The following FRMD4B variants were observed in gnomAD, a reference collection of about 807,000 sequenced individuals.
The protein encoded by FRMD4B is FERM domain-containing protein 4B.
A neutral mutation model predicts 141.5 loss-of-function variants in FRMD4B; 74 were observed. The ratio of observed to expected loss-of-function variants is 0.52; its 90% CI spans 0.43 to 0.63. The LOEUF (loss-of-function observed/expected upper bound fraction) is 0.63, where lower values mean the gene tolerates loss of function less well. Ranked by LOEUF, FRMD4B falls within the 30% of genes least tolerant of loss-of-function variation. The pLI, the probability that FRMD4B is intolerant of heterozygous loss-of-function variation, is 0.00. For missense variants in FRMD4B, 1,366 were observed against 1,253.4 expected, an observed-to-expected ratio of 1.09 and a Z score of -1.36; for synonymous variants, 506 against 467.9, an observed-to-expected ratio of 1.08 and a Z score of -1.05.
At chr3:69,193,345 C>A (rs567765047) in intron 17 of FRMD4B, among the ~76,000 whole-genome samples, 9 of 152,132 alleles carry the variant, frequency 5.9e-5, no homozygotes, top group African/African-American at 1.2e-4. Flanking sequence ...CCTATCTCTA[C>A]CAAAAATACA....
At chr3:69,232,984 T>C (rs1391065352) in intron 7 of FRMD4B, among the ~76,000 whole-genome samples, 2 of 148,210 alleles carry the variant, frequency 1.3e-5, no homozygotes, top group African/African-American at 5.0e-5. Context: ...ACCCTTGGGC[T>C]CAAGTGATCC....
chr3:69,210,210 T>C (rs1010532849), intron 11 of FRMD4B, among the ~76,000 whole-genome samples: 4 of 152,236 alleles, frequency 2.6e-5, no homozygotes, highest in Non-Finnish European at 5.9e-5. Flanking sequence ...TGTCCCACTA[T>C]GGACACCTCG....
chr3:69,350,840 G>T (rs1034022172), intron 1 of FRMD4B, among the ~76,000 whole-genome samples: 2 of 134,088 alleles, frequency 1.5e-5, no homozygotes, highest in African/African-American at 5.5e-5. Flanking sequence ...GTGGGGAGGG[G>T]GGAGGGGGGA....
chr3:69,385,843 C>T lies in FRMD4B; in HGVS notation c.147G>A (p.Leu49=), dbSNP rs774432107. 1 of 1,589,162 alleles carries T rather than the reference C, an allele frequency of 6.3e-7. No homozygotes were observed. The highest frequency in any genetic ancestry group is 1.2e-5 in the South Asian group (1 of 86,278). The change falls in exon 1 of 23, where the codon CTG becomes CTA. Residue 49 remains leucine, a synonymous_variant. Coordinates refer to ENST00000398540, the MANE Select transcript of FRMD4B (RefSeq NM_015123.3). ...CHQVLRTWCG[L]QDVYQMTEGR... is the part of the protein sequence containing the mutation. ...TCCAGCTCACCTGGTACACGTCCTG[C>T]AGCCCGCACCACGTCCGCAGCACCT...
At chr3:69,458,777 T>C (rs141287268) in intron 1 of FRMD4B, among the ~76,000 whole-genome samples, 228 of 151,026 alleles carry the variant, frequency 1.5e-3, no homozygotes, top group African/African-American at 5.4e-3. Flanking sequence ...TCTACTCTTA[T>C]TACCTGGGTA....
At chr3:69,239,644 T>C (rs1033340130) in intron 7 of FRMD4B, among the ~76,000 whole-genome samples, 4 of 152,162 alleles carry the variant, frequency 2.6e-5, no homozygotes, top group Non-Finnish European at 4.4e-5. Context: ...GTTAAATTCA[T>C]AGAGACAGAA....
chr3:69,286,118 C>T (rs1365295325), intron 5 of FRMD4B, among the ~76,000 whole-genome samples: 1 of 152,110 alleles, frequency 6.6e-6, no homozygotes, highest in East Asian at 1.9e-4. Context: ...AGGAATTCAC[C>T]ACTAGTATGC....
intron 1 of FRMD4B, among the ~76,000 whole-genome samples, chr3:69,350,301 G>C (rs568316268): frequency 1.3e-5 from 2 of 151,932 alleles, no homozygotes; most frequent in African/African-American, 4.8e-5. Flanking sequence ...TTAGAATGGC[G>C]ATCATTAAAA....
intron 1 of FRMD4B, among the ~76,000 whole-genome samples, chr3:69,454,934 G>A (rs956195573): frequency 2.0e-5 from 3 of 152,248 alleles, no homozygotes; most frequent in African/African-American, 7.2e-5. Context: ...CTAGCCGGAG[G>A]ATTGTGTATG....
At chr3:69,523,182 T>C (rs1479435818) in intron 1 of FRMD4B, among the ~76,000 whole-genome samples, 1 of 151,352 alleles carries the variant, frequency 6.6e-6, no homozygotes, top group African/African-American at 2.4e-5. Flanking sequence ...AGAATGATCA[T>C]ATCGTATGAT....
rs1016164506 is a variant in FRMD4B, at chr3:69,449,574, T to C, written c.-128-16813A>G. ...AAAAGGACTCTTACAGATCATCCAG[T>C]CCTATGATCACATTTTCTGGACAAG... On this transcript the variant is annotated intron_variant, in intron 1 of 5. Coordinates refer to the FRMD4B transcript ENST00000459638. Among the ~76,000 whole-genome samples the C allele has an allele frequency of 3.3e-5, 5 of 152,246 alleles. No individual in the cohort carries two copies. In the East Asian group the frequency reaches 5.8e-4, roughly 18 times the overall value.
intron 1 of FRMD4B, among the ~76,000 whole-genome samples, chr3:69,485,730 C>T (rs1045638359): frequency 6.6e-6 from 1 of 152,230 alleles, no homozygotes; most frequent in Non-Finnish European, 1.5e-5. Context: ...TTGCTGCAAG[C>T]TCCCCTTTGG....
At chr3:69,240,055 AACAC>A (rs375091705) in intron 7 of FRMD4B, among the ~76,000 whole-genome samples, 4 of 148,454 alleles carry the variant, frequency 2.7e-5, no homozygotes, top group Admixed American at 2.0e-4. Flanking sequence ...CTCTGTCTCA[AACAC>A]ACACACACAC....
At chr3:69,215,671 G>C (rs1046319007) in intron 11 of FRMD4B, among the ~76,000 whole-genome samples, 4 of 152,066 alleles carry the variant, frequency 2.6e-5, no homozygotes, top group African/African-American at 9.7e-5. Context: ...TGGTGAAACA[G>C]AGATAATAGC....
At chr3:69,400,430 T>C (rs1031760743) in intron 2 of FRMD4B, among the ~76,000 whole-genome samples, 4 of 151,908 alleles carry the variant, frequency 2.6e-5, no homozygotes, top group Non-Finnish European at 4.4e-5. Flanking sequence ...TAGAATTGAT[T>C]GAGAGCCAAG....
intron 5 of FRMD4B, among the ~76,000 whole-genome samples, chr3:69,284,087 G>C (rs1351792): frequency 0.96 from 146,597 of 152,234 alleles, 70,833 homozygotes; most frequent in East Asian, 1. Context: ...ACTGCCCCCA[G>C]TACTGTCAAG....
At chr3:69,540,755 C>A (rs1281085144) in intron 1 of FRMD4B, among the ~76,000 whole-genome samples, 1 of 149,566 alleles carries the variant, frequency 6.7e-6, no homozygotes, top group Non-Finnish European at 1.5e-5. Flanking sequence ...GCAGCACATC[C>A]CTTTCGGAGG....
intron 1 of FRMD4B, among the ~76,000 whole-genome samples, chr3:69,492,268 G>T (rs1419376416): frequency 1.3e-5 from 2 of 152,118 alleles, no homozygotes; most frequent in East Asian, 3.9e-4. Context: ...ACCTCTGAGG[G>T]CCTGTTTCTC....
At chr3:69,360,570 A>T (rs994854282) in intron 1 of FRMD4B, among the ~76,000 whole-genome samples, 1 of 151,904 alleles carries the variant, frequency 6.6e-6, no homozygotes, top group Non-Finnish European at 1.5e-5. Flanking sequence ...TGTTCCATCC[A>T]TCTCTCTCTT....
Sources: allele counts gnomAD v4.1 joint callset (sites outside exome capture counted in the v4.1 genomes callset), GRCh38; gene constraint gnomAD v4.1.1; transcripts MANE v1.5; gene names NCBI Gene and HGNC (gene_info 2026-07-23, HGNC 2026-07-21).